The following SMIM41 variants were observed in gnomAD, a reference collection of about 807,000 sequenced individuals.
The protein encoded by SMIM41 is small integral membrane protein 41.
intron 2 of SMIM41, among the ~76,000 whole-genome samples, chr12:52,087,843 TG>T (rs553287125): frequency 2.6e-5 from 4 of 152,180 alleles, no homozygotes; most frequent in Non-Finnish European, 5.9e-5. Context: ...GGCCTGCCCT[TG>T]GGGCATCTCC....
At chr12:52,096,434 C>T (rs1940095088) in intron 2 of SMIM41, among the ~76,000 whole-genome samples, 1 of 151,876 alleles carries the variant, frequency 6.6e-6, no homozygotes, top group African/African-American at 2.4e-5. Context: ...ACATCAGGAA[C>T]AATATCACAG....
Position 52,107,641 on chromosome 12 carries a change from T to C in SMIM41, c.*458T>C. 1 of 564,876 alleles carries C rather than the reference T, an allele frequency of 1.8e-6. No homozygotes were observed. The highest frequency in any genetic ancestry group is 1.5e-5 in the South Asian group (1 of 68,552). The allele number at this position is 564,876 out of a possible 1,614,324, so 35.0% of individuals were successfully genotyped here. A position where few individuals can be genotyped will look rare whatever the true frequency, so the allele number is the denominator to read the frequency against. On this transcript the variant is annotated 3_prime_UTR_variant, in exon 3 of 3. Transcript: ENST00000546390. Reference sequence around the variant, plus strand: ...GGCTGCCTGACTCAGAAGTCTCTCTTTGCCATTTTTGGAGGCACGGAAGAG... The same window carrying C: ...GGCTGCCTGACTCAGAAGTCTCTCTCTGCCATTTTTGGAGGCACGGAAGAG...
chr12:52,090,112 C>G (rs1401648315), intron 2 of SMIM41, among the ~76,000 whole-genome samples: 1 of 152,038 alleles, frequency 6.6e-6, no homozygotes, highest in African/African-American at 2.4e-5. Flanking sequence ...GCTCTGTTGC[C>G]AAGGCTGAAG....
rs576820452 is a variant in SMIM41 at position 52,083,676 on chromosome 12, C to G, written c.*121-218C>G. Among the ~76,000 whole-genome samples the G allele has an allele frequency of 1.0e-3, 152 of 152,312 alleles. 1 individual carries two copies. The Middle Eastern group carries it at 0.01, about 10-fold the overall frequency. On this transcript the variant is annotated intron_variant, in intron 1 of 2. Transcript: ENST00000546390. ...TCTCATCAGAGTCCAGCCTGAGCCT[C>G]GGCTTTGAGATGGGAGTGGGTATCG...
chr12:52,088,355 C>T (rs892215406), intron 2 of SMIM41, among the ~76,000 whole-genome samples: 2 of 152,146 alleles, frequency 1.3e-5, no homozygotes, highest in Non-Finnish European at 2.9e-5. Context: ...CAGGGAAGAT[C>T]TGGGGCACAG....
Position 52,107,614 on chromosome 12 carries a change from C to G in SMIM41, c.*431C>G, listed in dbSNP as rs1421834676. Reference sequence around the variant, plus strand: ...TCTCGCAGCAGAGTCATCTCCTATGCAGGCTGCCTGACTCAGAAGTCTCTC... The same window carrying G: ...TCTCGCAGCAGAGTCATCTCCTATGGAGGCTGCCTGACTCAGAAGTCTCTC... On this transcript the variant is annotated 3_prime_UTR_variant, in exon 3 of 3. Transcript: ENST00000546390. The G allele has an allele frequency of 1.6e-6, 1 of 619,174 alleles. No homozygotes were observed. The highest frequency in any genetic ancestry group is 3.9e-5 in the East Asian group (1 of 25,892). 38.4% of individuals were successfully genotyped at this position (619,174 alleles called of 1,614,324 possible). A position where few individuals can be genotyped will look rare whatever the true frequency, so the allele number is the denominator to read the frequency against.
intron 2 of SMIM41, among the ~76,000 whole-genome samples, chr12:52,096,285 CG>C (rs1352036366): frequency 6.6e-6 from 1 of 151,888 alleles, no homozygotes; most frequent in Non-Finnish European, 1.5e-5. Context: ...GCAATATCAC[CG>C]GGTGGATGTA....
intron 2 of SMIM41, among the ~76,000 whole-genome samples, chr12:52,093,177 AC>A (rs775561386): frequency 7.2e-5 from 11 of 152,272 alleles, no homozygotes; most frequent in Non-Finnish European, 8.8e-5. Context: ...CAGCCTAGCG[AC>A]AGAGCGAGAC....
intron 2 of SMIM41, among the ~76,000 whole-genome samples, chr12:52,091,115 G>A (rs1939994567): frequency 1.3e-5 from 2 of 152,210 alleles, no homozygotes; most frequent in Admixed American, 1.3e-4. Flanking sequence ...GGGCTCAAGT[G>A]ATCCTCCTAT....
chr12:52,096,488 AATT>A (rs1206004863), intron 2 of SMIM41, among the ~76,000 whole-genome samples: 1 of 151,974 alleles, frequency 6.6e-6, no homozygotes, highest in African/African-American at 2.4e-5. Context: ...TATTAGTATT[AATT>A]ATTACTCATT....
chr12:52,083,458 T>C (rs1368873480), intron 1 of SMIM41, among the ~76,000 whole-genome samples: 1 of 152,212 alleles, frequency 6.6e-6, no homozygotes, highest in Admixed American at 6.5e-5. Context: ...CTAGCAGATA[T>C]AGCAACCCCA....
At chr12:52,086,227 G>A (rs1265410891) in intron 2 of SMIM41, among the ~76,000 whole-genome samples, 1 of 152,038 alleles carries the variant, frequency 6.6e-6, no homozygotes, top group African/African-American at 2.4e-5. Context: ...GAGCAGTTCT[G>A]GGGTGCTGAG....
chr12:52,100,763 G>A (rs1390420732), intron 2 of SMIM41, among the ~76,000 whole-genome samples: 14 of 150,772 alleles, frequency 9.3e-5, no homozygotes, highest in East Asian at 1.9e-4. Context: ...GTGAGTGACC[G>A]CGCCCAGCCA....
At chr12:52,097,195 T>C (rs1247272811) in intron 2 of SMIM41, among the ~76,000 whole-genome samples, 1 of 152,048 alleles carries the variant, frequency 6.6e-6, no homozygotes, top group South Asian at 2.1e-4. Flanking sequence ...GAGTATGATA[T>C]TGCTCCCAAT....
At position 52,085,045 on chromosome 12, in the gene SMIM41, GGTGC is replaced by G. The variant is rs142416550; in HGVS notation, c.*195+1078_*195+1081del. 2.4e-3 allele frequency among the ~76,000 whole-genome samples: 370 copies of G among 152,294 alleles called. 3 individuals are homozygous for G. Among genetic ancestry groups the G allele is most frequent in the African/African-American group, 8.6e-3 (357 of 41,546 alleles). The stretch of plus-strand genomic sequence containing the variant: ...CCAGCCTGAATACTGTGTGTGCGGT[GGTGC>G]CACCCACTGAGAGGATGTGTTATCA... On this transcript the variant is annotated intron_variant, in intron 2 of 2. Transcript: ENST00000546390.
At chr12:52,090,298 G>T (rs1047279132) in intron 2 of SMIM41, among the ~76,000 whole-genome samples, 1 of 152,094 alleles carries the variant, frequency 6.6e-6, no homozygotes, top group African/African-American at 2.4e-5. Context: ...AGTCAGGCTG[G>T]TCTCGAACTC....
At chr12:52,095,102 C>T (rs550694909) in intron 2 of SMIM41, among the ~76,000 whole-genome samples, 1 of 150,332 alleles carries the variant, frequency 6.7e-6, no homozygotes, top group South Asian at 2.1e-4. Context: ...TGTGCCATCA[C>T]ACCCACTTAA....
intron 1 of SMIM41, among the ~76,000 whole-genome samples, chr12:52,083,594 C>A (rs757158422): frequency 1.3e-5 from 2 of 152,206 alleles, no homozygotes; most frequent in Non-Finnish European, 2.9e-5. Context: ...GGCTGCCCCC[C>A]TGTGGCCAGT....
chr12:52,108,232 G>T lies in SMIM41; in HGVS notation c.*1049G>T. The T allele has an allele frequency of 5.7e-6, 1 of 175,494 alleles. No individual in the cohort carries two copies. Among genetic ancestry groups the T allele is most frequent in the Non-Finnish European group, 1.2e-5 (1 of 83,438 alleles). The allele number at this position is 175,494 out of a possible 1,614,324, so 10.9% of individuals were successfully genotyped here. On this transcript the variant is annotated 3_prime_UTR_variant, in exon 3 of 3. Coordinates refer to ENST00000546390, the MANE Select transcript of SMIM41 (RefSeq NM_001369216.1). ...AGCCTGGGAAACAGGGATATTAAAA[G>T]TGTCTTGCGGCGGCCGCACGGCAGC...
Sources: allele counts gnomAD v4.1 joint callset (sites outside exome capture counted in the v4.1 genomes callset), GRCh38; gene constraint gnomAD v4.1.1; transcripts MANE v1.5; gene names NCBI Gene and HGNC (gene_info 2026-07-23, HGNC 2026-07-21).